CDH13: variants seen among roughly 807,000 people sequenced by gnomAD.
CDH13 encodes cadherin 13.
In CDH13, 24 loss-of-function variants were observed where a neutral mutation model predicts 63.8. The observed-to-expected ratio is 0.38, with a 90% CI of 0.27 to 0.53. The LOEUF is 0.53. Ranked by LOEUF, CDH13 falls within the 20% of genes least tolerant of loss-of-function variation. The pLI is 0.85. For synonymous variants in CDH13, 503 were observed against 355.3 expected, an observed-to-expected ratio of 1.42 and a Z score of -4.67; for missense variants, 1,049 against 903.1, an observed-to-expected ratio of 1.16 and a Z score of -2.07.
At chr16:82,821,292 G>T (rs921498628) in intron 1 of CDH13, among the ~76,000 whole-genome samples, 4 of 140,344 alleles carry the variant, frequency 2.9e-5, no homozygotes, top group African/African-American at 1.3e-4. Flanking sequence ...AGGCAAATGA[G>T]TAAGTGTTCT....
At chr16:82,808,799 C>G (rs1281916343) in intron 1 of CDH13, among the ~76,000 whole-genome samples, 4 of 152,108 alleles carry the variant, frequency 2.6e-5, no homozygotes, top group Non-Finnish European at 2.9e-5. Context: ...CCCAGTTATT[C>G]ATTTTAACTG....
chr16:83,031,764 G>T (rs35178368), intron 2 of CDH13, among the ~76,000 whole-genome samples: 1 of 152,064 alleles, frequency 6.6e-6, no homozygotes, highest in African/African-American at 2.4e-5. Context: ...GCACTCAAGT[G>T]TGCACACTCA....
chr16:83,630,192 C>G (rs573557986), intron 8 of CDH13, among the ~76,000 whole-genome samples: 2 of 152,220 alleles, frequency 1.3e-5, no homozygotes, highest in African/African-American at 2.4e-5. Flanking sequence ...TCTCTGAGAT[C>G]TGGGTTATTT....
intron 7 of CDH13, among the ~76,000 whole-genome samples, chr16:83,536,822 C>T (rs1036308948): frequency 1.3e-5 from 2 of 152,120 alleles, no homozygotes; most frequent in Non-Finnish European, 2.9e-5. Context: ...AGAAAATCAA[C>T]AGCAGCACTA....
chr16:83,432,680 G>T (rs533986718), intron 6 of CDH13, among the ~76,000 whole-genome samples: 2 of 152,186 alleles, frequency 1.3e-5, no homozygotes, highest in South Asian at 2.1e-4. Context: ...GGCTCATGCA[G>T]ATGTCATGAG....
chr16:83,667,132 AATAG>A (rs1378529694), intron 8 of CDH13, among the ~76,000 whole-genome samples: 2 of 146,840 alleles, frequency 1.4e-5, no homozygotes, highest in South Asian at 2.1e-4. Flanking sequence ...TGGATGGATA[AATAG>A]ATAGATGGAT....
intron 2 of CDH13, among the ~76,000 whole-genome samples, chr16:82,930,495 T>C (rs1433792419): frequency 6.6e-6 from 1 of 152,194 alleles, no homozygotes; most frequent in Non-Finnish European, 1.5e-5. Context: ...TTATGGTTTG[T>C]ATACGGATGC....
intron 1 of CDH13, among the ~76,000 whole-genome samples, chr16:82,654,338 C>T (rs1457739009): frequency 6.6e-6 from 1 of 152,122 alleles, no homozygotes; most frequent in Non-Finnish European, 1.5e-5. Context: ...TAGGGCATCC[C>T]CAAATCTCTT....
rs74957257 is a variant in CDH13 at position 82,835,975 on chromosome 16, G to A, written c.46-22387G>A. On this transcript the variant is annotated intron_variant, in intron 1 of 13. Coordinates refer to ENST00000567109, the MANE Select transcript of CDH13 (RefSeq NM_001257.5). ...AGCAAAGTCTCATCGCTCAGGTCTC[G>A]CATGTCAGAATTTGCCATGATTCAC... 5.6e-3 allele frequency among the ~76,000 whole-genome samples: 849 copies of A among 152,242 alleles called. 3 individuals are homozygous for A. Among genetic ancestry groups the A allele is most frequent in the Middle Eastern group, 0.017 (5 of 294 alleles).
At chr16:83,036,932 T>A (rs988768619) in intron 3 of CDH13, among the ~76,000 whole-genome samples, 6 of 152,054 alleles carry the variant, frequency 3.9e-5, no homozygotes, top group African/African-American at 1.5e-4. Flanking sequence ...AGAAAGGGAA[T>A]GCTAAATAAA....
intron 5 of CDH13, among the ~76,000 whole-genome samples, chr16:83,291,160 C>T (rs11861712): frequency 0.29 from 43,435 of 151,976 alleles, 6,407 homozygotes; most frequent in Admixed American, 0.36. Flanking sequence ...TTATAGTGAT[C>T]GGCTGTTCTC....
chr16:83,519,286 A>T (rs1235877374), intron 7 of CDH13, among the ~76,000 whole-genome samples: 1 of 152,214 alleles, frequency 6.6e-6, no homozygotes, highest in Non-Finnish European at 1.5e-5. Context: ...CTAGCATTGG[A>T]GTCCAGTGAT....
chr16:83,465,366 C>T (rs534332459), intron 6 of CDH13, among the ~76,000 whole-genome samples: 1 of 152,252 alleles, frequency 6.6e-6, no homozygotes, highest in East Asian at 1.9e-4. Context: ...ACGCCTAGGG[C>T]AGGAGGCTTT....
In CDH13 at chr16:83,449,786, G is replaced by A. The variant is rs537929305; in HGVS notation, c.782-36691G>A. ...TCACTGCACCTTCGTTTTGTAAATA[G>A]GGACGTTAACGCTGGGACGTACTCT... On this transcript the variant is annotated intron_variant, in intron 6 of 13. Transcript: ENST00000567109. 5.1e-4 allele frequency among the ~76,000 whole-genome samples: 77 copies of A among 152,282 alleles called. 1 individual carries two copies. The highest frequency in any genetic ancestry group is 5.0e-3 in the Admixed American group (77 of 15,310).
chr16:83,238,556 C>A (rs1488518299), intron 5 of CDH13, among the ~76,000 whole-genome samples: 1 of 152,046 alleles, frequency 6.6e-6, no homozygotes, highest in East Asian at 1.9e-4. Flanking sequence ...GACTTGAAAC[C>A]CTGGGGAAAC....
At chr16:83,387,915 T>A (rs76878468) in intron 6 of CDH13, among the ~76,000 whole-genome samples, 6,519 of 152,294 alleles carry the variant, frequency 0.043, 328 homozygotes, top group East Asian at 0.3. Context: ...ACAAAGGACT[T>A]GAGTATTCAA....
intron 2 of CDH13, among the ~76,000 whole-genome samples, chr16:82,929,530 T>C (rs1287584943): frequency 3.3e-5 from 5 of 151,336 alleles, no homozygotes; most frequent in African/African-American, 1.2e-4. Context: ...TGGGCGCCTG[T>C]AGTCCCAGCG....
intron 1 of CDH13, among the ~76,000 whole-genome samples, chr16:82,640,122 G>A (rs568129074): frequency 9.8e-5 from 15 of 152,334 alleles, no homozygotes; most frequent in Non-Finnish European, 1.9e-4. Context: ...GTAGTTTTGC[G>A]TAGTGATAGT....
intron 6 of CDH13, among the ~76,000 whole-genome samples, chr16:83,449,693 CA>C (rs2072827779): frequency 6.6e-6 from 1 of 152,108 alleles, no homozygotes; most frequent in Non-Finnish European, 1.5e-5. Flanking sequence ...GATCTGTGGC[CA>C]AATGATGGTT....
Sources: allele counts gnomAD v4.1 joint callset (sites outside exome capture counted in the v4.1 genomes callset), GRCh38; gene constraint gnomAD v4.1.1; transcripts MANE v1.5; gene names NCBI Gene and HGNC (gene_info 2026-07-23, HGNC 2026-07-21).